The following SEC23A variants were observed in gnomAD, a reference collection of about 807,000 sequenced individuals.
SEC23A encodes the protein SEC23 homolog A, COPII component.
In SEC23A, 56 loss-of-function variants were observed where a neutral mutation model predicts 103.7. The observed-to-expected ratio is 0.54, with a 90% CI of 0.44 to 0.67. SEC23A has a LOEUF of 0.67. SEC23A is among the 30% of genes least tolerant of loss of function. The pLI is 0.00. For synonymous variants in SEC23A, 281 were observed against 293.0 expected (o/e 0.96, Z 0.42); for missense variants, 784 against 936.4 (o/e 0.84, Z 2.12).
At chr14:39,065,997 C>CAAAAAAAAAAAACAAAAAAAAAAAAA (rs1886649240) in intron 10 of SEC23A, among the ~76,000 whole-genome samples, 1 of 80,556 alleles carries the variant, frequency 1.2e-5, no homozygotes, top group African/African-American at 5.2e-5. Flanking sequence ...AACTCCATCT[C>CAAAAAAAAAAAACAAAAAAAAAAAAA]AAAAAAAAAA....
Position 39,096,188 on chromosome 14 carries a change from C to T in SEC23A, c.-21-49G>A, listed in dbSNP as rs763354349. 90 of 1,229,862 alleles carry T rather than the reference C, an allele frequency of 7.3e-5. No individual in the cohort carries two copies. The East Asian group carries it at 1.6e-3, about 22-fold the overall frequency. 76.2% of individuals were successfully genotyped at this position (1,229,862 alleles called of 1,614,324 possible). On this transcript the variant is annotated intron_variant, in intron 1 of 19. Transcript: ENST00000307712. ...TTAAAATCCAGGATCCTCTTAAGAA[C>T]GTTCAAAATATGAATGTTCTCCCCT...
At chr14:39,062,641 AACAG>A (rs1267387565) in intron 12 of SEC23A, among the ~76,000 whole-genome samples, 2 of 152,292 alleles carry the variant, frequency 1.3e-5, no homozygotes, top group African/African-American at 2.4e-5. Flanking sequence ...GCATTCTGAC[AACAG>A]ACATTCTTGC....
intron 1 of SEC23A, among the ~76,000 whole-genome samples, chr14:39,100,448 C>G (rs894994944): frequency 6.8e-5 from 10 of 146,894 alleles, no homozygotes; most frequent in Non-Finnish European, 1.0e-4. Flanking sequence ...GAGTTTCGCT[C>G]GTTGCCCAGG....
intron 1 of SEC23A, among the ~76,000 whole-genome samples, chr14:39,102,458 TC>T (rs1322137312): frequency 6.6e-6 from 1 of 152,150 alleles, no homozygotes; most frequent in East Asian, 1.9e-4. Flanking sequence ...ACTATGACCT[TC>T]CTCAGGCAGT....
rs1490311236 is a variant in SEC23A at position 39,067,422 on chromosome 14, G to A, written c.1104-126C>T. ...TTAAAGATATTTCCCAAAATGTGCT[G>A]TATTACTAATTTTTAATATTCAAAT... On this transcript the variant is annotated intron_variant, in intron 9 of 19. Coordinates refer to ENST00000307712, the MANE Select transcript of SEC23A (RefSeq NM_006364.4). 5.1e-6 allele frequency: 5 copies of A among 973,752 alleles called. No homozygotes were observed. The African/African-American group carries it at 6.6e-5, about 13-fold the overall frequency. 60.3% of individuals were successfully genotyped at this position (973,752 alleles called of 1,614,324 possible).
chr14:39,042,967 TTTTATTTATTTA>T (rs748814429), intron 16 of SEC23A, 95 bp from the exon 17 acceptor site: 6 of 810,592 alleles, frequency 7.4e-6, no homozygotes, highest in Admixed American at 4.8e-5. Context: ...TCCAAGTTTC[TTTTATTTATTTA>T]TTTATTTATT....
intron 19 of SEC23A, among the ~76,000 whole-genome samples, chr14:39,038,807 T>G (rs1029695052): frequency 1.3e-5 from 2 of 152,228 alleles, no homozygotes; most frequent in African/African-American, 4.8e-5. Flanking sequence ...ACTTCATTGC[T>G]TTTTGTCTCA....
intron 19 of SEC23A, among the ~76,000 whole-genome samples, chr14:39,035,756 T>C (rs563561821): frequency 4.1e-4 from 63 of 152,272 alleles, no homozygotes; most frequent in Middle Eastern, 3.4e-3. Flanking sequence ...TAAGGTCCTA[T>C]GGAAAATCAA....
intron 16 of SEC23A, among the ~76,000 whole-genome samples, chr14:39,044,712 T>A (rs192865446): frequency 6.6e-6 from 1 of 152,322 alleles, no homozygotes; most frequent in East Asian, 1.9e-4. Flanking sequence ...ATCAACTATT[T>A]TTTATGTTCT....
intron 14 of SEC23A, among the ~76,000 whole-genome samples, chr14:39,054,274 C>CA (rs111991914): frequency 1.3e-3 from 151 of 115,410 alleles, no homozygotes; most frequent in Admixed American, 1.8e-3. Flanking sequence ...GACCCTGTCT[C>CA]AAAAAAAAAA....
At chr14:39,049,854 G>A (rs8008861) in intron 14 of SEC23A, among the ~76,000 whole-genome samples, 2,176 of 151,270 alleles carry the variant, frequency 0.014, 68 homozygotes, top group African/African-American at 0.049. Context: ...GTGCAGTGGC[G>A]CGATCTCGGT....
intron 14 of SEC23A, among the ~76,000 whole-genome samples, chr14:39,051,534 A>G (rs1886058980): frequency 6.6e-6 from 1 of 152,240 alleles, no homozygotes; most frequent in Admixed American, 6.5e-5. Flanking sequence ...TTTTACAAAC[A>G]TGTCAAATAA....
rs1453265188 is a variant in SEC23A at position 39,071,820 on chromosome 14, C to T, written c.1103+2595G>A. The stretch of plus-strand genomic sequence containing the variant: ...AAGAAGTTGCAGTGAACCGAGATCA[C>T]GCCACTGCACTCCAGCCTGGGTGAC... On this transcript the variant is annotated intron_variant, in intron 9 of 19. Transcript: ENST00000307712. 3.9e-5 allele frequency among the ~76,000 whole-genome samples: 6 copies of T among 152,102 alleles called. No individual in the cohort carries two copies. The South Asian group carries it at 8.3e-4, about 21-fold the overall frequency.
chr14:39,093,236 T>G lies in SEC23A; in HGVS notation c.230A>C (p.Asp77Ala), dbSNP rs1566513566. 1 of 1,611,022 alleles carries G rather than the reference T, an allele frequency of 6.2e-7. No homozygotes were observed. The highest frequency in any genetic ancestry group is 1.4e-5 in the African/African-American group (1 of 73,892). The change falls in exon 3 of 20, where the codon GAT becomes GCT. Residue 77 changes from aspartate to alanine, a missense_variant. By Grantham distance (126) the Asp-to-Ala change is moderately radical. Transcript: ENST00000307712. ...GCAAGCCCAAAGTTTTGCTCGATAA[T>G]CCACTTGACTGTTTTAAAAAAAAAG... ...RAVLNPLCQV[D>A]YRAKLWACNF...
chr14:39,039,961 T>C (rs1393570197), intron 18 of SEC23A: 4 of 152,220 alleles, frequency 2.6e-5, no homozygotes, highest in East Asian at 1.9e-4. Context: ...GTAAAACTAA[T>C]AGTAATTATC....
rs139727069 is a variant in SEC23A, at chr14:39,051,946, G to A, written c.1659+3197C>T. Among the ~76,000 whole-genome samples, 9 of 145,522 alleles carry A rather than the reference G, an allele frequency of 6.2e-5. No individual in the cohort carries two copies. The East Asian group carries it at 1.7e-3, about 27-fold the overall frequency. On this transcript the variant is annotated intron_variant, in intron 14 of 19. Coordinates refer to ENST00000307712, the MANE Select transcript of SEC23A (RefSeq NM_006364.4). ...CGTGCCACTGCACTCCAGCCTGGGC[G>A]ACAAGGCGAGGCTCCTTCTCGAAAA...
Position 39,051,154 on chromosome 14 carries a change from T to C in SEC23A, c.1660-2425A>G, listed in dbSNP as rs143255617. 8.5e-4 allele frequency among the ~76,000 whole-genome samples: 129 copies of C among 152,360 alleles called. No homozygotes were observed. The Middle Eastern group carries it at 0.034, about 40-fold the overall frequency. On this transcript the variant is annotated intron_variant, in intron 14 of 19. Coordinates refer to ENST00000307712, the MANE Select transcript of SEC23A (RefSeq NM_006364.4). ...TAAATTTCTTTCCCTCAATTTAGCATAGTAATATGTTTTCTTTTCCTTGAT... is the reference window on the plus strand; with the variant it reads ...TAAATTTCTTTCCCTCAATTTAGCACAGTAATATGTTTTCTTTTCCTTGAT...
Position 39,086,862 on chromosome 14 carries a change from G to C in SEC23A, c.683+67C>G, listed in dbSNP as rs1887461493. The C allele has an allele frequency of 1.1e-5, 10 of 917,284 alleles. No homozygotes were observed. The East Asian group carries it at 2.4e-4, about 22-fold the overall frequency. 56.8% of individuals were successfully genotyped at this position (917,284 alleles called of 1,614,324 possible). On this transcript the variant is annotated intron_variant, in intron 6 of 19. Coordinates refer to ENST00000307712, the MANE Select transcript of SEC23A (RefSeq NM_006364.4). Reference sequence around the variant, plus strand: ...CAATATAGTATCACTGAATGCCTATGTTCAAGGGTATGGAATGTTTAAAAT... The same window carrying C: ...CAATATAGTATCACTGAATGCCTATCTTCAAGGGTATGGAATGTTTAAAAT...
Position 39,049,200 on chromosome 14 carries a change from G to A in SEC23A, c.1660-471C>T, listed in dbSNP as rs962033635. ...TAAAAAAAAAAAAAAAATTGTGGCCGGGCGCAGTGGCTCACACCTGTAATC... is the reference window on the plus strand; with the variant it reads ...TAAAAAAAAAAAAAAAATTGTGGCCAGGCGCAGTGGCTCACACCTGTAATC... On this transcript the variant is annotated intron_variant, in intron 14 of 19. Transcript: ENST00000307712. Among the ~76,000 whole-genome samples, 11 of 150,974 alleles carry A rather than the reference G, an allele frequency of 7.3e-5. No individual in the cohort carries two copies. In the East Asian group the frequency reaches 7.8e-4, roughly 11 times the overall value.
Sources: gnomAD v4.1 joint callset for allele counts (sites outside exome capture counted in the v4.1 genomes callset) on GRCh38, gnomAD v4.1.1 for gene constraint, MANE v1.5 for transcripts, NCBI Gene and HGNC (gene_info 2026-07-23, HGNC 2026-07-21) for gene names.